Variants in CABIN1 observed in about 807,000 individuals in gnomAD.
The protein encoded by CABIN1 is calcineurin-binding protein cabin-1.
A neutral mutation model predicts 227.7 loss-of-function variants in CABIN1; 133 were observed. The observed-to-expected ratio is 0.58, with a 90% CI of 0.51 to 0.67. The LOEUF (loss-of-function observed/expected upper bound fraction) is 0.67. Among genes scored for constraint, CABIN1 ranks in the 30% least tolerant of loss-of-function variants. CABIN1 has a pLI of 0.00. For missense variants in CABIN1, 2,408 were observed against 2,852.5 expected (o/e 0.84, Z 3.55); for synonymous variants, 1,086 against 1,155.1 (o/e 0.94, Z 1.21).
chr22:24,056,414 C>T, intron 10 of CABIN1, 54 bp downstream of exon 10: 1 of 1,555,258 alleles, frequency 6.4e-7, no homozygotes, highest in African/African-American at 1.4e-5. Flanking sequence ...CTCCAGCATA[C>T]ACCATCAGTA....
chr22:24,110,125 C>G (rs1313256056), intron 26 of CABIN1, among the ~76,000 whole-genome samples: 1 of 152,152 alleles, frequency 6.6e-6, no homozygotes, highest in Non-Finnish European at 1.5e-5. Flanking sequence ...GAGCCAAGAT[C>G]GTGCAATTGC....
chr22:24,058,224 T>C (rs924106417), intron 10 of CABIN1, among the ~76,000 whole-genome samples: 1 of 152,206 alleles, frequency 6.6e-6, no homozygotes, highest in South Asian at 2.1e-4. Context: ...GGTCTTGCTA[T>C]ATTGCCCAGG....
At chr22:24,019,320 C>T (rs1294508954) in intron 1 of CABIN1, among the ~76,000 whole-genome samples, 1 of 150,580 alleles carries the variant, frequency 6.6e-6, no homozygotes, top group African/African-American at 2.4e-5. Context: ...TTGGTAGAGA[C>T]AGGGTTTCAC....
intron 29 of CABIN1, among the ~76,000 whole-genome samples, chr22:24,143,958 C>G (rs531536892): frequency 6.6e-6 from 1 of 152,342 alleles, no homozygotes; most frequent in Non-Finnish European, 1.5e-5. Context: ...GTTGGCTGCT[C>G]TGGGTGCCGG....
intron 29 of CABIN1, among the ~76,000 whole-genome samples, chr22:24,141,787 A>G (rs949771992): frequency 6.6e-6 from 1 of 152,164 alleles, no homozygotes; most frequent in African/African-American, 2.4e-5. Flanking sequence ...GGCGGCTGCC[A>G]CAGGTGGTTC....
At chr22:24,031,411 G>A (rs563627496) in intron 1 of CABIN1, among the ~76,000 whole-genome samples, 15 of 152,322 alleles carry the variant, frequency 9.8e-5, no homozygotes, top group East Asian at 3.9e-4. Context: ...ACCAAGGGTT[G>A]TAAAGGATCA....
chr22:24,161,179 C>G (rs1030015297), intron 29 of CABIN1, among the ~76,000 whole-genome samples: 6 of 152,206 alleles, frequency 3.9e-5, no homozygotes, highest in African/African-American at 1.4e-4. Context: ...GAGCCTAGAG[C>G]CGTTCTGAAG....
At chr22:24,124,287 C>T (rs1602220583) in intron 28 of CABIN1, among the ~76,000 whole-genome samples, 1 of 152,228 alleles carries the variant, frequency 6.6e-6, no homozygotes, top group Non-Finnish European at 1.5e-5. Context: ...ATCCTTCTCA[C>T]CCATATAGTG....
chr22:24,069,965 C>T (rs1264627305), intron 16 of CABIN1, among the ~76,000 whole-genome samples: 1 of 151,994 alleles, frequency 6.6e-6, no homozygotes, highest in African/African-American at 2.4e-5. Flanking sequence ...GTGTAACAAG[C>T]GTCCCACCAG....
chr22:24,078,033 G>A (rs920313301), intron 19 of CABIN1, among the ~76,000 whole-genome samples: 2 of 152,144 alleles, frequency 1.3e-5, no homozygotes, highest in African/African-American at 2.4e-5. Flanking sequence ...CTTTGCAGCA[G>A]CTCTCCTGAC....
At chr22:24,026,828 A>G (rs2146716879) in intron 1 of CABIN1, among the ~76,000 whole-genome samples, 1 of 152,328 alleles carries the variant, frequency 6.6e-6, no homozygotes, top group Admixed American at 6.5e-5. Flanking sequence ...TGATCCGTCC[A>G]ATATTACTAT....
intron 19 of CABIN1, among the ~76,000 whole-genome samples, chr22:24,077,057 G>T (rs928736515): frequency 1.3e-5 from 2 of 152,168 alleles, no homozygotes; most frequent in Non-Finnish European, 2.9e-5. Flanking sequence ...GGAGGTGTAT[G>T]GCCAGCAAAG....
intron 29 of CABIN1, chr22:24,156,138 T>C (rs951655473): frequency 7.6e-6 from 3 of 396,616 alleles, no homozygotes; most frequent in South Asian, 1.1e-4. Context: ...GGGCTGGGGC[T>C]GCGCAACCGC....
At chr22:24,143,457 C>A (rs562465110) in intron 29 of CABIN1, among the ~76,000 whole-genome samples, 1 of 152,198 alleles carries the variant, frequency 6.6e-6, no homozygotes, top group South Asian at 2.1e-4. Context: ...GCCCCCACCC[C>A]CTTTTGGTGT....
intron 29 of CABIN1, among the ~76,000 whole-genome samples, chr22:24,146,722 G>T (rs1407743100): frequency 1.3e-5 from 2 of 152,246 alleles, no homozygotes; most frequent in Non-Finnish European, 2.9e-5. Context: ...CATCGTTCCT[G>T]GTATAAATTA....
At chr22:24,157,412 C>T (rs531916876) in intron 29 of CABIN1, among the ~76,000 whole-genome samples, 1 of 152,152 alleles carries the variant, frequency 6.6e-6, no homozygotes, top group Non-Finnish European at 1.5e-5. Flanking sequence ...GCTGCCCAGC[C>T]GGCCTGGCTC....
chr22:24,087,769 C>T, intron 23 of CABIN1, 56 bp downstream of exon 23: 1 of 1,602,770 alleles, frequency 6.2e-7, no homozygotes, highest in East Asian at 2.2e-5. Flanking sequence ...ACAGAGTGCC[C>T]TCAGGTCAAC....
intron 29 of CABIN1, among the ~76,000 whole-genome samples, chr22:24,156,864 A>G (rs2045860697): frequency 6.6e-6 from 1 of 152,118 alleles, no homozygotes; most frequent in Non-Finnish European, 1.5e-5. Flanking sequence ...GGGAGGGGGA[A>G]GGGAGGAACA....
At chr22:24,055,758 C>T (rs1321975461) in intron 9 of CABIN1, among the ~76,000 whole-genome samples, 1 of 152,200 alleles carries the variant, frequency 6.6e-6, no homozygotes, top group African/African-American at 2.4e-5. Flanking sequence ...CTTAATCATA[C>T]ATGACATTCT....
Sources: gnomAD v4.1 joint callset for allele counts (sites outside exome capture counted in the v4.1 genomes callset) on GRCh38, gnomAD v4.1.1 for gene constraint, MANE v1.5 for transcripts, NCBI Gene and HGNC (gene_info 2026-07-23, HGNC 2026-07-21) for gene names.